MATK: variants seen among roughly 807,000 people sequenced by gnomAD.
MATK encodes the protein megakaryocyte-associated tyrosine kinase.
MATK carries 41 observed loss-of-function variants against 59.8 expected under a neutral mutation model. That is an observed-to-expected ratio of 0.69 (90% confidence interval 0.53 to 0.89). MATK has a LOEUF of 0.89. Among genes scored for constraint, MATK ranks in the 40% least tolerant of loss-of-function variants. MATK has a pLI of 0.00. For synonymous variants in MATK, 308 were observed against 306.1 expected, an observed-to-expected ratio of 1.01 and a Z score of -0.06; for missense variants, 593 against 719.6, an observed-to-expected ratio of 0.82 and a Z score of 2.01.
chr19:3,792,968 C>T (rs1400301554), intron 1 of MATK: 1 of 152,222 alleles, frequency 6.6e-6, no homozygotes, highest in African/African-American at 2.4e-5. Flanking sequence ...ATCACACTGC[C>T]CCAGTTAGCA....
chr19:3,783,872 T>A lies in MATK; in HGVS notation c.524A>T (p.Asp175Val), dbSNP rs2037437225. 1 of 1,613,126 alleles carries A rather than the reference T, an allele frequency of 6.2e-7. No homozygotes were observed. The highest frequency in any genetic ancestry group is 8.5e-7 in the Non-Finnish European group (1 of 1,179,856). Residue 175 changes from aspartate (D) to valine (V), a missense_variant, in exon 6 of 14, where the codon GAC (aspartate) becomes GTC (valine). Physicochemically the swap from Asp to Val is radical, Grantham distance 152. Transcript: ENST00000310132. ...GGCCTCATCGATTGTGAGGTGGCCG[T>A]CGCGGTGCAGCACGCGGTAGTGGAT... The part of the protein sequence containing the change: ...DVIHYRVLHR[D>V]GHLTIDEAVF...
rs936296271 is a variant in MATK at position 3,783,154 on chromosome 19, G to T, written c.648C>A (p.Thr216=). 2 of 1,613,980 alleles carry T rather than the reference G, an allele frequency of 1.2e-6. No homozygotes were observed. Among genetic ancestry groups the T allele is most frequent in the Non-Finnish European group, 1.7e-6 (2 of 1,180,006 alleles). Residue 216 remains threonine, a synonymous_variant, in exon 7 of 14, where the codon ACC becomes ACA. Coordinates refer to ENST00000310132, the MANE Select transcript of MATK (RefSeq NM_139355.3). ...TGGCCAGCTCCTCCTCGGCCGACTT[G>T]GTCCCGTGTTTCCGCTTTGGTCTCA... The part of the protein sequence containing the change: ...KLVRPKRKHG[T]KSAEEELARA...
intron 1 of MATK, among the ~76,000 whole-genome samples, chr19:3,795,129 C>A (rs2037581876): frequency 6.6e-6 from 1 of 151,738 alleles, no homozygotes; most frequent in South Asian, 2.1e-4. Context: ...AGGCGCCCGC[C>A]ACCACACCCG....
chr19:3,792,357 G>A (rs2037550965), intron 1 of MATK, among the ~76,000 whole-genome samples: 1 of 152,088 alleles, frequency 6.6e-6, no homozygotes, highest in South Asian at 2.1e-4. Context: ...ATCAGTCAGG[G>A]TTGGGATTGG....
intron 1 of MATK, among the ~76,000 whole-genome samples, chr19:3,799,374 C>T (rs541049182): frequency 1.4e-4 from 22 of 152,262 alleles, no homozygotes; most frequent in African/African-American, 3.6e-4. Context: ...CGTGAAGTGA[C>T]GGCTTCTGGC....
chr19:3,782,017 G>A (rs1274652510), intron 7 of MATK, among the ~76,000 whole-genome samples: 2 of 152,154 alleles, frequency 1.3e-5, no homozygotes, highest in African/African-American at 2.4e-5. Context: ...GGCCCAAGGG[G>A]TAGTGCCAGG....
chr19:3,797,704 C>A (rs1214727034), intron 1 of MATK, among the ~76,000 whole-genome samples: 2 of 151,682 alleles, frequency 1.3e-5, no homozygotes, highest in Admixed American at 6.6e-5. Flanking sequence ...CCAGCCTGGG[C>A]AACATAGTGA....
chr19:3,794,419 T>G (rs1440751414), intron 1 of MATK, among the ~76,000 whole-genome samples: 1 of 152,102 alleles, frequency 6.6e-6, no homozygotes, highest in Non-Finnish European at 1.5e-5. Context: ...TTTGGGAGGC[T>G]GAGGTGGGAG....
chr19:3,780,914 G>T (rs1254820720), intron 8 of MATK, among the ~76,000 whole-genome samples: 1 of 150,484 alleles, frequency 6.6e-6, no homozygotes, highest in African/African-American at 2.5e-5. Context: ...TTTTTGTACA[G>T]ATGGGGGTCT....
chr19:3,778,369 G>A lies in MATK; in HGVS notation c.1338C>T (p.Pro446=), dbSNP rs1437594664. 7 of 1,606,564 alleles carry A rather than the reference G, an allele frequency of 4.4e-6. No homozygotes were observed. The highest frequency in any genetic ancestry group is 4.5e-5 in the East Asian group (2 of 44,810). ...AVEKGYRMEP[P]EGCPGPVHVL... ...CGTGCACGGGGCCTGGACAGCCCTC[G>A]GGGGGTTCCATGCGGTACCCCTTCT... Residue 446 remains proline (P), a synonymous_variant, in exon 14 of 14, where the codon CCC becomes CCT. Coordinates refer to ENST00000310132, the MANE Select transcript of MATK (RefSeq NM_139355.3).
Position 3,783,146 on chromosome 19 carries a change from G to C in MATK, c.656C>G (p.Ala219Gly). ...CCTACCCCTGGCCAGCTCCTCCTCG[G>C]CCGACTTGGTCCCGTGTTTCCGCTT... Reference protein sequence around the residue: ...RPKRKHGTKSAEEELARAGWL... With the variant: ...RPKRKHGTKSGEEELARAGWL... The change falls in exon 7 of 14, where the codon GCC becomes GGC. Residue 219 changes from alanine (A) to glycine (G), a missense_variant. Transcript: ENST00000310132. 6.2e-7 allele frequency: 1 copy of C among 1,614,034 alleles called. No individual in the cohort carries two copies. Among genetic ancestry groups the C allele is most frequent in the Non-Finnish European group, 8.5e-7 (1 of 1,179,986 alleles).
In MATK at chr19:3,786,090, C is replaced by T. The variant is rs1239411808; in HGVS notation, c.-152+79G>A. On this transcript the variant is annotated intron_variant, in intron 1 of 13. Coordinates refer to ENST00000310132, the MANE Select transcript of MATK (RefSeq NM_139355.3). This position sits in a 1 kb window ranked among gnomAD's most constrained non-coding sequence, Gnocchi z 4.1. ...GCCCTTCCTGCGCACGTCCCGGGCCCACCCCCGCCTAGAGCCCTCGGGGTT... is the reference window on the plus strand; with the variant it reads ...GCCCTTCCTGCGCACGTCCCGGGCCTACCCCCGCCTAGAGCCCTCGGGGTT... The T allele has an allele frequency of 1.7e-6, 1 of 599,166 alleles. No homozygotes were observed. The highest frequency in any genetic ancestry group is 2.1e-6 in the Non-Finnish European group (1 of 476,634). 37.1% of individuals were successfully genotyped at this position (599,166 alleles called of 1,614,324 possible).
intron 1 of MATK, among the ~76,000 whole-genome samples, chr19:3,799,506 G>A (rs1421856544): frequency 6.6e-6 from 1 of 152,218 alleles, no homozygotes; most frequent in Non-Finnish European, 1.5e-5. Context: ...ACACATCACA[G>A]GTGTTCAACA....
At position 3,784,890 on chromosome 19, in the gene MATK, G is replaced by A; in HGVS notation, c.73-6C>T. ...CGGAGGAAGCGGGGGCTCACCTGGGGAGGGGACAGAGTCCAGGTGGGAGCT... is the reference window on the plus strand; with the variant it reads ...CGGAGGAAGCGGGGGCTCACCTGGGAAGGGGACAGAGTCCAGGTGGGAGCT... On this transcript the variant is annotated splice_region_variant and splice_polypyrimidine_tract_variant and intron_variant, in intron 2 of 13. Coordinates refer to ENST00000310132, the MANE Select transcript of MATK (RefSeq NM_139355.3). The A allele has an allele frequency of 6.6e-7, 1 of 1,515,206 alleles. No homozygotes were observed. Among genetic ancestry groups the A allele is most frequent in the Non-Finnish European group, 9.0e-7 (1 of 1,113,404 alleles). The allele number at this position is 1,515,206 out of a possible 1,614,324, so 93.9% of individuals were successfully genotyped here. A position where few individuals can be genotyped will look rare whatever the true frequency, so the allele number is the denominator to read the frequency against.
intron 1 of MATK, among the ~76,000 whole-genome samples, chr19:3,794,183 G>A (rs1017596172): frequency 3.9e-5 from 6 of 152,144 alleles, no homozygotes; most frequent in South Asian, 2.1e-4. Flanking sequence ...TGTCAAAGCC[G>A]GAATCCCCAC....
chr19:3,785,335 C>T, intron 1 of MATK, 49 bp from the exon 2 acceptor site: 1 of 1,242,324 alleles, frequency 8.0e-7, no homozygotes, highest in Non-Finnish European at 1.1e-6. Flanking sequence ...GAGTCAAGGT[C>T]ATTCCCAAGA....
At position 3,779,806 on chromosome 19, in the gene MATK, TG is replaced by T; in HGVS notation, c.743-10del. Reference sequence around the variant, plus strand: ...CTCACCCTGCAGGACAGCTGGGGGGTGGGGGTGGGGAACGGGGTGAGATCAG... The same window carrying T: ...CTCACCCTGCAGGACAGCTGGGGGGTGGGGTGGGGAACGGGGTGAGATCAG... On this transcript the variant is annotated splice_polypyrimidine_tract_variant and intron_variant, in intron 8 of 13. Transcript: ENST00000310132. 1 of 1,519,310 alleles carries T rather than the reference TG, an allele frequency of 6.6e-7. No individual in the cohort carries two copies. Among genetic ancestry groups the T allele is most frequent in the Non-Finnish European group, 9.1e-7 (1 of 1,095,852 alleles). 94.1% of individuals were successfully genotyped at this position (1,519,310 alleles called of 1,614,324 possible).
chr19:3,784,443 C>T lies in MATK; in HGVS notation c.141G>A (p.Trp47Ter). 1 of 1,595,190 alleles carries T rather than the reference C, an allele frequency of 6.3e-7. No homozygotes were observed. The part of the protein sequence containing the change: ...PVSARMPTRR[W>*]APGTQCITKC... ...TGGTGATACACTGGGTGCCCGGGGC[C>T]CAGCGCCTCTGCAGAGGGGGCCGGG... The change falls in exon 4 of 14, where the codon TGG becomes TGA. Residue 47 changes from tryptophan to a stop codon, truncating the protein, a stop_gained. Coordinates refer to ENST00000310132, the MANE Select transcript of MATK (RefSeq NM_139355.3). LOFTEE classifies it high-confidence loss of function.
chr19:3,785,439 C>CA (rs1323602038), intron 1 of MATK, among the ~76,000 whole-genome samples, 153 bp from the exon 2 acceptor site: 2 of 152,118 alleles, frequency 1.3e-5, no homozygotes, highest in South Asian at 4.1e-4. Context: ...TGATCCCCCC[C>CA]CAAACCCAGG....
Sources: gnomAD v4.1 joint callset for allele counts (sites outside exome capture counted in the v4.1 genomes callset) on GRCh38, gnomAD v4.1.1 for gene constraint, Gnocchi (gnomAD v3.1) non-coding constraint, MANE v1.5 for transcripts, NCBI Gene and HGNC (gene_info 2026-07-23, HGNC 2026-07-21) for gene names.